Variants in CORIN observed in about 807,000 individuals in gnomAD.
CORIN encodes atrial natriuretic peptide-converting enzyme.
CORIN carries 117 observed loss-of-function variants against 125.3 expected under a neutral mutation model. The observed-to-expected ratio is 0.93, with a 90% CI of 0.80 to 1.09. CORIN has a LOEUF of 1.09. Ranked by LOEUF, CORIN falls within the 50% of genes least tolerant of loss-of-function variation. The pLI is 0.00. For missense variants in CORIN, 1,253 were observed against 1,306.7 expected, an observed-to-expected ratio of 0.96 and a Z score of 0.63; for synonymous variants, 450 against 466.4, an observed-to-expected ratio of 0.96 and a Z score of 0.45.
intron 3 of CORIN, among the ~76,000 whole-genome samples, chr4:47,776,656 G>A (rs1216680350): frequency 6.6e-6 from 1 of 152,094 alleles, no homozygotes. Context: ...AAAACACAAT[G>A]GAGGAATTTG....
At chr4:47,780,334 G>C (rs956664324) in intron 3 of CORIN, among the ~76,000 whole-genome samples, 1 of 151,686 alleles carries the variant, frequency 6.6e-6, no homozygotes, top group African/African-American at 2.4e-5. Flanking sequence ...GAAAGGAGAA[G>C]AAATGAAGGA....
chr4:47,669,364 A>C (rs892837312), intron 10 of CORIN, among the ~76,000 whole-genome samples: 2 of 152,296 alleles, frequency 1.3e-5, no homozygotes, highest in African/African-American at 4.8e-5. Flanking sequence ...ATATAATAAT[A>C]TTCAAAAATT....
intron 4 of CORIN, 79 bp from the exon 5 acceptor site, chr4:47,744,662 G>T: frequency 7.5e-7 from 1 of 1,335,978 alleles, no homozygotes. Context: ...ATTAAAGTTA[G>T]CCCCTGTGTT....
At chr4:47,831,475 C>T (rs2109990603) in intron 1 of CORIN, 1 of 152,312 alleles carries the variant, frequency 6.6e-6, no homozygotes, top group African/African-American at 2.4e-5. Flanking sequence ...CAGTGACAGG[C>T]TTGGGGAAGA....
chr4:47,772,515 TA>T (rs769557026), intron 3 of CORIN, among the ~76,000 whole-genome samples: 46 of 152,340 alleles, frequency 3.0e-4, no homozygotes, highest in East Asian at 7.7e-4. Context: ...GAATGAATGA[TA>T]ACAATAATTA....
At chr4:47,712,198 A>G (rs1378288875) in intron 5 of CORIN, among the ~76,000 whole-genome samples, 5 of 152,230 alleles carry the variant, frequency 3.3e-5, no homozygotes, top group African/African-American at 1.2e-4. Context: ...GCATCATAAT[A>G]TAGTCATAAT....
chr4:47,697,187 C>A (rs1051040943), intron 5 of CORIN, among the ~76,000 whole-genome samples: 1 of 152,064 alleles, frequency 6.6e-6, no homozygotes, highest in African/African-American at 2.4e-5. Context: ...TACAAGAATA[C>A]TTCTTGGGGA....
chr4:47,676,380 C>T (rs190073651), intron 9 of CORIN, among the ~76,000 whole-genome samples: 65 of 152,270 alleles, frequency 4.3e-4, no homozygotes, highest in Middle Eastern at 6.8e-3. Context: ...TTTTGGTTAA[C>T]CCCACTCATC....
intron 5 of CORIN, among the ~76,000 whole-genome samples, chr4:47,738,364 A>C (rs1235424804): frequency 6.6e-6 from 1 of 152,176 alleles, no homozygotes; most frequent in Admixed American, 6.5e-5. Context: ...CCTAACATGC[A>C]CAGAATCCCT....
chr4:47,775,958 T>A (rs1730278677), intron 3 of CORIN, among the ~76,000 whole-genome samples: 1 of 151,984 alleles, frequency 6.6e-6, no homozygotes, highest in South Asian at 2.1e-4. Flanking sequence ...AATGGCGAGA[T>A]CTCAGCTCGC....
At chr4:47,642,956 G>A in intron 15 of CORIN, 190 bp downstream of exon 15, 1 of 1,535,496 alleles carries the variant, frequency 6.5e-7, no homozygotes, top group Non-Finnish European at 8.7e-7. Context: ...AAATAGAGAA[G>A]TAGCTTCGTG....
At position 47,713,576 on chromosome 4, in the gene CORIN, G is replaced by A. The variant is rs571934137; in HGVS notation, c.800-20493C>T. Among the ~76,000 whole-genome samples the A allele has an allele frequency of 2.0e-5, 3 of 152,252 alleles. No homozygotes were observed. In the East Asian group the frequency reaches 5.8e-4, roughly 29 times the overall value. On this transcript the variant is annotated intron_variant, in intron 5 of 21. Transcript: ENST00000273857. ...CAGCAAAAACTTCTCAGCCCTGCGT[G>A]GAGGCTCCTGGGGTGAATTTGTCCC...
chr4:47,811,907 C>A (rs184333968), intron 1 of CORIN, among the ~76,000 whole-genome samples: 62 of 152,240 alleles, frequency 4.1e-4, no homozygotes, highest in African/African-American at 1.4e-3. Flanking sequence ...AGCCTAAAAT[C>A]TTTACTATCT....
intron 11 of CORIN, among the ~76,000 whole-genome samples, chr4:47,663,702 A>G (rs975784371): frequency 6.6e-6 from 1 of 152,204 alleles, no homozygotes; most frequent in Non-Finnish European, 1.5e-5. Context: ...GTCAAATGCC[A>G]GAAATTGTTA....
intron 19 of CORIN, among the ~76,000 whole-genome samples, chr4:47,617,238 GT>G (rs1722098441): frequency 6.6e-6 from 1 of 152,168 alleles, no homozygotes; most frequent in South Asian, 2.1e-4. Context: ...CTCATTTGGG[GT>G]TTATGATCAT....
chr4:47,829,040 C>T (rs868055371), intron 1 of CORIN, among the ~76,000 whole-genome samples: 17 of 151,456 alleles, frequency 1.1e-4, no homozygotes, highest in African/African-American at 3.6e-4. Context: ...CGCCTGTAGT[C>T]CCAGCTACTC....
intron 1 of CORIN, among the ~76,000 whole-genome samples, chr4:47,815,281 C>A (rs576880892): frequency 6.6e-6 from 1 of 151,776 alleles, no homozygotes; most frequent in Non-Finnish European, 1.5e-5. Context: ...AAAAATGTTT[C>A]TTTCAAGTTC....
At chr4:47,712,384 G>A (rs1320206552) in intron 5 of CORIN, among the ~76,000 whole-genome samples, 1 of 152,212 alleles carries the variant, frequency 6.6e-6, no homozygotes, top group African/African-American at 2.4e-5. Flanking sequence ...CCAGGCTCAA[G>A]TGATCCTCCT....
At chr4:47,761,239 C>T (rs967432002) in intron 4 of CORIN, among the ~76,000 whole-genome samples, 9 of 152,156 alleles carry the variant, frequency 5.9e-5, no homozygotes, top group African/African-American at 1.9e-4. Context: ...GCTTTCAACA[C>T]GCCTTCCTCA....
Sources: allele counts gnomAD v4.1 joint callset (sites outside exome capture counted in the v4.1 genomes callset), GRCh38; gene constraint gnomAD v4.1.1; transcripts MANE v1.5; gene names NCBI Gene and HGNC (gene_info 2026-07-23, HGNC 2026-07-21).